EEF1B2: variants seen among roughly 807,000 people sequenced by gnomAD.
EEF1B2 encodes elongation factor 1-beta.
EEF1B2 carries 12 observed loss-of-function variants against 28.3 expected under a neutral mutation model. The observed-to-expected ratio is 0.42, with a 90% CI of 0.27 to 0.69. The LOEUF is 0.69. Among genes scored for constraint, EEF1B2 ranks in the 30% least tolerant of loss-of-function variants. The probability of loss-of-function intolerance (pLI) is 0.22; values close to 1 mark genes in which losing one functional copy is unlikely to be tolerated. For synonymous variants in EEF1B2, 83 were observed against 99.9 expected (o/e 0.83, Z 1.01); for missense variants, 234 against 272.6 (o/e 0.86, Z 1.00).
intron 2 of EEF1B2, 185 bp from the exon 3 acceptor site, chr2:206,161,161 G>A: frequency 1.5e-6 from 1 of 687,392 alleles, no homozygotes; most frequent in South Asian, 1.8e-5. Flanking sequence ...GTCTCACATG[G>A]TACTAATGCT....
At chr2:206,159,812 A>G (rs1273660296), upstream of EEF1B2, 2 of 648,202 alleles carry the variant, frequency 3.1e-6, no homozygotes, top group Admixed American at 6.6e-5. Flanking sequence ...ATGCAAAAGT[A>G]CTTTGACCTT....
chr2:206,160,091 G>T (rs751391410), intron 1 of EEF1B2, 32 bp downstream of exon 1: 88 of 1,605,008 alleles, frequency 5.5e-5, no homozygotes, highest in Admixed American at 6.8e-5. Context: ...GGGTGGCGGG[G>T]AGGTTTCTCC....
At chr2:206,162,313 C>G in intron 4 of EEF1B2, 176 bp from the exon 5 acceptor site, 2 of 1,227,278 alleles carry the variant, frequency 1.6e-6, no homozygotes, top group African/African-American at 1.5e-5. Context: ...ACAAACACCT[C>G]TTTCTTAGCA....
In EEF1B2 at chr2:206,160,039, G is replaced by A. The variant is rs142897686; in HGVS notation, c.60G>A (p.Ala20=). ...TCCAGGTGCTCAACGATTACCTGGC[G>A]GACAAGAGCTACATCGAGGGGTGAG... The part of the protein sequence containing the change: ...AGLQVLNDYL[A]DKSYIEGYVP... Residue 20 remains alanine, a synonymous_variant, in exon 1 of 6, where the codon GCG becomes GCA. Transcript: ENST00000392222. 239 of 1,613,118 alleles carry A rather than the reference G, an allele frequency of 1.5e-4. No homozygotes were observed. The highest frequency in any genetic ancestry group is 1.7e-4 in the Non-Finnish European group (203 of 1,179,674).
intron 3 of EEF1B2, 37 bp downstream of exon 3, chr2:206,161,509 G>A (rs989837831): frequency 1.8e-5 from 29 of 1,609,288 alleles, no homozygotes; most frequent in African/African-American, 8.0e-5. Flanking sequence ...TCGGCCAGGC[G>A]CAGTGGCTCA....
intron 3 of EEF1B2, 143 bp downstream of exon 3, chr2:206,161,615 T>C (rs1687935168): frequency 2.9e-6 from 3 of 1,039,530 alleles, no homozygotes; most frequent in South Asian, 3.0e-5. Context: ...ACCCTGTCTG[T>C]ACTAAAAATA....
chr2:206,162,580 A>C lies in EEF1B2; in HGVS notation c.489A>C (p.Arg163Ser). The change falls in exon 5 of 6, where the codon AGA (arginine) becomes AGC (serine). Residue 163 changes from arginine (R) to serine (S), a missense_variant. By Grantham distance (110) the Arg-to-Ser change is moderately radical (BLOSUM62 -1). Transcript: ENST00000392222. ...TDMAKLEECV[R>S]SIQADGLVWG... is the part of the protein sequence containing the mutation. ...TGGCGAAATTAGAGGAGTGCGTCAGAAGCATTCAAGCAGACGGCTTAGTCT... is the reference window on the plus strand; with the variant it reads ...TGGCGAAATTAGAGGAGTGCGTCAGCAGCATTCAAGCAGACGGCTTAGTCT... 6.2e-7 allele frequency: 1 copy of C among 1,613,562 alleles called. No homozygotes were observed. Among genetic ancestry groups the C allele is most frequent in the Non-Finnish European group, 8.5e-7 (1 of 1,180,018 alleles).
chr2:206,162,187 A>G, intron 4 of EEF1B2, 83 bp downstream of exon 4: 2 of 1,356,658 alleles, frequency 1.5e-6, no homozygotes, highest in South Asian at 2.4e-5. Context: ...TTTCCTCCAC[A>G]TTCCTTGAAT....
intron 4 of EEF1B2, 50 bp from the exon 5 acceptor site, chr2:206,162,439 G>C: frequency 6.2e-7 from 1 of 1,608,206 alleles, no homozygotes; most frequent in Non-Finnish European, 8.5e-7. Flanking sequence ...TTGGAGTAGG[G>C]TGAAAAAAAT....
chr2:206,159,845 G>C, upstream of EEF1B2: 1 of 961,966 alleles, frequency 1.0e-6, no homozygotes, highest in African/African-American at 1.7e-5. Flanking sequence ...CGGCGCGGTG[G>C]AGGGAAACGC....
intron 5 of EEF1B2, 47 bp from the exon 6 acceptor site, chr2:206,162,682 T>TA (rs1687969144): frequency 1.9e-6 from 3 of 1,557,064 alleles, no homozygotes; most frequent in African/African-American, 3.9e-5. Context: ...TTTCAACCTT[T>TA]CCTACAAGAC....
At chr2:206,162,274 C>T in intron 4 of EEF1B2, 170 bp downstream of exon 4, 1 of 1,081,650 alleles carries the variant, frequency 9.2e-7, no homozygotes, top group East Asian at 2.4e-5. Flanking sequence ...GCAGTTGTGG[C>T]ATTCCTCTGT....
Position 206,161,482 on chromosome 2 carries a change from C to T in EEF1B2, c.330+10C>T. ...ATCTGATGATGAGGAGGTATGGCGT[C>T]TTCTATAAAGAACATATCGGCCAGG... On this transcript the variant is annotated intron_variant, in intron 3 of 5. Coordinates refer to ENST00000392222, the MANE Select transcript of EEF1B2 (RefSeq NM_001959.4). The T allele has an allele frequency of 6.2e-7, 1 of 1,613,358 alleles. No individual in the cohort carries two copies. Among genetic ancestry groups the T allele is most frequent in the Non-Finnish European group, 8.5e-7 (1 of 1,179,594 alleles).
chr2:206,160,870 A>C, intron 2 of EEF1B2, 160 bp downstream of exon 2: 2 of 1,075,884 alleles, frequency 1.9e-6, no homozygotes, highest in Non-Finnish European at 2.8e-6. Flanking sequence ...GAAGCCCTCC[A>C]TTTTTTCACA....
chr2:206,162,500 G>A lies in EEF1B2; in HGVS notation c.409G>A (p.Val137Ile), dbSNP rs747977038. ...TTTATTGTTTTTAGAACCTGCACTT[G>A]TTGCCAAGTCTTCCATCTTACTAGA... ...ESKKAKKPALVAKSSILLDVK... is the reference protein window; with the variant it reads ...ESKKAKKPALIAKSSILLDVK... Residue 137 changes from valine (V) to isoleucine (I), a missense_variant, in exon 5 of 6, where the codon GTT becomes ATT. Transcript: ENST00000392222. 1.9e-5 allele frequency: 30 copies of A among 1,612,622 alleles called. No individual in the cohort carries two copies. In the South Asian group the frequency reaches 3.0e-4, roughly 16 times the overall value.
chr2:206,159,994 C>T lies in EEF1B2; in HGVS notation c.15C>T (p.Asp5=). The change falls in exon 1 of 6, where the codon GAC becomes GAT. Residue 5 remains aspartate, a synonymous_variant. Coordinates refer to ENST00000392222, the MANE Select transcript of EEF1B2 (RefSeq NM_001959.4). ...CAGCCGACACCATGGGTTTCGGAGACCTGAAAAGCCCTGCCGGCCTCCAGG... is the reference window on the plus strand; with the variant it reads ...CAGCCGACACCATGGGTTTCGGAGATCTGAAAAGCCCTGCCGGCCTCCAGG... The part of the protein sequence containing the change: MGFG[D]LKSPAGLQVL... 1 of 1,613,014 alleles carries T rather than the reference C, an allele frequency of 6.2e-7. No individual in the cohort carries two copies. Among genetic ancestry groups the T allele is most frequent in the Non-Finnish European group, 8.5e-7 (1 of 1,179,734 alleles).
chr2:206,160,812 G>T, intron 2 of EEF1B2, 102 bp downstream of exon 2: 3 of 1,584,226 alleles, frequency 1.9e-6, no homozygotes, highest in Non-Finnish European at 2.6e-6. Flanking sequence ...AGTTTTGTTG[G>T]GATATTGTAA....
At chr2:206,159,629 T>A (rs1350094482), upstream of EEF1B2, 3 of 230,560 alleles carry the variant, frequency 1.3e-5, no homozygotes, top group Admixed American at 1.6e-4. Context: ...CCGGGCGTCT[T>A]CGGTCATCTC....
chr2:206,160,058 G>A lies in EEF1B2; in HGVS notation c.79G>A (p.Gly27Arg), dbSNP rs760387877. The A allele has an allele frequency of 6.2e-7, 1 of 1,611,948 alleles. No homozygotes were observed. ...CCTGGCGGACAAGAGCTACATCGAG[G>A]GGTGAGCGGACGGGCTGAGTCGGGG... is the stretch of plus-strand genomic sequence containing the variant. ...DYLADKSYIE[G>R]YVPSQADVAV... The change falls in exon 1 of 6, where the codon GGG (glycine) becomes AGG (arginine). Residue 27 changes from glycine to arginine, a missense_variant and splice_region_variant. Transcript: ENST00000392222.
Sources: allele counts gnomAD v4.1 joint callset, GRCh38; gene constraint gnomAD v4.1.1; transcripts MANE v1.5; gene names NCBI Gene and HGNC (gene_info 2026-07-23, HGNC 2026-07-21).